TSGA10: variants seen among roughly 807,000 people sequenced by gnomAD.
The protein encoded by TSGA10 is testis specific 10.
TSGA10 carries 43 observed loss-of-function variants against 96.6 expected under a neutral mutation model. That is an observed-to-expected ratio of 0.44 (90% CI 0.35 to 0.57). The LOEUF (loss-of-function observed/expected upper bound fraction) is 0.57. TSGA10 is among the 20% of genes least tolerant of loss of function. TSGA10 has a pLI of 0.01. For synonymous variants in TSGA10, 229 were observed against 269.9 expected (o/e 0.85, Z 1.48); for missense variants, 703 against 834.4 (o/e 0.84, Z 1.94).
At chr2:99,119,298 CTCTCT>C (rs1485782376) in intron 2 of TSGA10, among the ~76,000 whole-genome samples, 3 of 152,034 alleles carry the variant, frequency 2.0e-5, no homozygotes, top group Admixed American at 2.0e-4. Flanking sequence ...GTGTCTCCTA[CTCTCT>C]TCTCTTTTGG....
intron 1 of TSGA10, among the ~76,000 whole-genome samples, chr2:99,132,909 T>TGA (rs1345179101): frequency 6.6e-6 from 1 of 152,218 alleles, no homozygotes; most frequent in African/African-American, 2.4e-5. Context: ...TGATTTTGAG[T>TGA]GAGTTTCTTA....
chr2:99,032,126 A>G (rs1374788257), intron 17 of TSGA10, among the ~76,000 whole-genome samples: 1 of 152,134 alleles, frequency 6.6e-6, no homozygotes, highest in Admixed American at 6.5e-5. Context: ...GCTTTAAGTC[A>G]GAATCTGACA....
intron 16 of TSGA10, among the ~76,000 whole-genome samples, chr2:99,047,505 C>A (rs539863263): frequency 4.3e-4 from 66 of 152,222 alleles, no homozygotes; most frequent in African/African-American, 1.6e-3. Flanking sequence ...GCAGAAAAGG[C>A]CTTTGACAAA....
At chr2:99,116,743 A>G (rs2104907663) in intron 4 of TSGA10, among the ~76,000 whole-genome samples, 1 of 152,330 alleles carries the variant, frequency 6.6e-6, no homozygotes, top group African/African-American at 2.4e-5. Flanking sequence ...AAAGTTTTAA[A>G]TTGACTTTTT....
At chr2:99,147,411 T>A in intron 1 of TSGA10, 1 of 1,542,140 alleles carries the variant, frequency 6.5e-7, no homozygotes, top group Non-Finnish European at 9.0e-7. Flanking sequence ...GATTTCTTCT[T>A]GAATGGCAAC....
chr2:99,042,039 C>CCTTTTTTTTTTTT (rs1558816084), intron 16 of TSGA10, among the ~76,000 whole-genome samples: 1 of 140,110 alleles, frequency 7.1e-6, no homozygotes. Flanking sequence ...TGCCCCCCCA[C>CCTTTTTTTTTTTT]ATTTTTTTTT....
chr2:99,138,513 C>T (rs1188375276), intron 1 of TSGA10, among the ~76,000 whole-genome samples: 1 of 152,070 alleles, frequency 6.6e-6, no homozygotes, highest in African/African-American at 2.4e-5. Flanking sequence ...ATGATTCGAA[C>T]AAAGCAGTTT....
chr2:99,008,303 TAA>T (rs2078682042), intron 20 of TSGA10, among the ~76,000 whole-genome samples: 1 of 152,086 alleles, frequency 6.6e-6, no homozygotes, highest in Non-Finnish European at 1.5e-5. Flanking sequence ...ATATCACCAA[TAA>T]AGAGATAATT....
chr2:99,021,422 G>A (rs769334703), intron 17 of TSGA10, among the ~76,000 whole-genome samples: 3 of 151,942 alleles, frequency 2.0e-5, no homozygotes, highest in African/African-American at 7.3e-5. Flanking sequence ...CATAAAGAAC[G>A]CATATAAACT....
chr2:99,078,667 C>T lies in TSGA10; in HGVS notation c.874G>A (p.Ala292Thr). ...CAGTTCTCAGAACATACTTTCATTG[C>T]CAAACTCTCTCCAAGGGATGCAATA... ...ENIASLGESL[A>T]MKEKTISGMK... The change falls in exon 12 of 21, where the codon GCA becomes ACA. Residue 292 changes from alanine to threonine, a missense_variant. Physicochemically the swap from Ala to Thr is moderately conservative, Grantham distance 58. Transcript: ENST00000393483. 1 of 1,611,720 alleles carries T rather than the reference C, an allele frequency of 6.2e-7. No individual in the cohort carries two copies. Among genetic ancestry groups the T allele is most frequent in the Admixed American group, 1.7e-5 (1 of 59,560 alleles).
chr2:99,084,125 C>T (rs1335093940), intron 10 of TSGA10, among the ~76,000 whole-genome samples: 1 of 152,166 alleles, frequency 6.6e-6, no homozygotes, highest in African/African-American at 2.4e-5. Flanking sequence ...TTAGGCTGCA[C>T]AATTATGCCA....
intron 10 of TSGA10, among the ~76,000 whole-genome samples, chr2:99,095,816 T>C (rs2089976207): frequency 6.6e-6 from 1 of 152,202 alleles, no homozygotes; most frequent in Non-Finnish European, 1.5e-5. Context: ...AATTTTTGTA[T>C]TTTTAGTAGA....
chr2:99,069,011 G>T lies in TSGA10; in HGVS notation c.1108-13C>A, dbSNP rs759593365. The T allele has an allele frequency of 1.5e-6, 2 of 1,365,726 alleles. No homozygotes were observed. The highest frequency in any genetic ancestry group is 5.4e-5 in the East Asian group (2 of 36,998). The allele number at this position is 1,365,726 out of a possible 1,614,324, so 84.6% of individuals were successfully genotyped here. A position where few individuals can be genotyped will look rare whatever the true frequency, so the allele number is the denominator to read the frequency against. ...TTTTGGACAGTGCCTACGAAAAAAA[G>T]ATAGGTATATTTGACTATGAAAAAT... On this transcript the variant is annotated splice_polypyrimidine_tract_variant and intron_variant, in intron 14 of 20. Coordinates refer to ENST00000393483, the MANE Select transcript of TSGA10 (RefSeq NM_025244.4).
intron 16 of TSGA10, among the ~76,000 whole-genome samples, chr2:99,050,655 C>T (rs1438388655): frequency 6.6e-6 from 1 of 151,912 alleles, no homozygotes; most frequent in Non-Finnish European, 1.5e-5. Flanking sequence ...CAATAATTCA[C>T]AAAATGCAGG....
At chr2:99,106,872 T>C (rs1574415739) in intron 7 of TSGA10, among the ~76,000 whole-genome samples, 1 of 152,142 alleles carries the variant, frequency 6.6e-6, no homozygotes, top group East Asian at 1.9e-4. Context: ...TGCTCCTCTA[T>C]GTACAGTTTT....
At chr2:99,127,022 G>A (rs765473609) in intron 2 of TSGA10, 26 bp downstream of exon 2, 1 of 1,283,576 alleles carries the variant, frequency 7.8e-7, no homozygotes, top group South Asian at 1.3e-5. Flanking sequence ...ATTAAGTCAG[G>A]AAAATATGTT....
chr2:99,127,518 A>T (rs908650933), intron 1 of TSGA10, among the ~76,000 whole-genome samples: 1 of 152,130 alleles, frequency 6.6e-6, no homozygotes, highest in African/African-American at 2.4e-5. Context: ...TGCTGTTGCT[A>T]CTCTATACAA....
intron 17 of TSGA10, among the ~76,000 whole-genome samples, chr2:99,027,252 A>G (rs898816571): frequency 4.6e-5 from 7 of 152,192 alleles, no homozygotes; most frequent in African/African-American, 1.7e-4. Context: ...ATTCATGGCA[A>G]CCTGGGTGGA....
intron 10 of TSGA10, among the ~76,000 whole-genome samples, chr2:99,096,381 G>A (rs534393976): frequency 2.0e-5 from 3 of 152,250 alleles, no homozygotes; most frequent in South Asian, 4.1e-4. Context: ...GAAACATCTC[G>A]GAGAGTTCTT....
Sources: gnomAD v4.1 joint callset for allele counts (sites outside exome capture counted in the v4.1 genomes callset) on GRCh38, gnomAD v4.1.1 for gene constraint, MANE v1.5 for transcripts, NCBI Gene and HGNC (gene_info 2026-07-23, HGNC 2026-07-21) for gene names.